DNAAF10: variants seen among roughly 807,000 people sequenced by gnomAD.
The protein encoded by DNAAF10 is WD repeat domain 92.
A neutral mutation model predicts 43.7 loss-of-function variants in DNAAF10; 28 were observed. The ratio of observed to expected loss-of-function variants is 0.64; its 90% CI spans 0.48 to 0.88. The LOEUF is 0.88. Among genes scored for constraint, DNAAF10 ranks in the 40% least tolerant of loss-of-function variants. The pLI, the probability that DNAAF10 is intolerant of heterozygous loss-of-function variation, is 0.00. For missense variants in DNAAF10, 403 were observed against 439.1 expected (o/e 0.92, Z 0.73); for synonymous variants, 156 against 157.3 (o/e 0.99, Z 0.06).
rs1184098363 is a variant in DNAAF10 at position 68,157,388 on chromosome 2, T to C, written c.56A>G (p.Tyr19Cys). The C allele has an allele frequency of 1.2e-6, 2 of 1,614,164 alleles. No homozygotes were observed. The highest frequency in any genetic ancestry group is 1.7e-6 in the Non-Finnish European group (2 of 1,180,040). ...IIAHIQKGFN[Y>C]TVFDCKWVPC... ...CACCCACTTACAGTCAAACACCGTG[T>C]AGTTGAAGCCCTTCTGGATATGGGC... is the stretch of plus-strand genomic sequence containing the variant. Residue 19 changes from tyrosine to cysteine, a missense_variant, in exon 1 of 8, where the codon TAC (tyrosine) becomes TGC (cysteine). Tyr to Cys is a radical substitution (Grantham distance 194). Coordinates refer to ENST00000295121, the MANE Select transcript of DNAAF10 (RefSeq NM_138458.4).
chr2:68,130,791 G>A lies in DNAAF10; in HGVS notation c.*447C>T, dbSNP rs1672914967. 6.4e-6 allele frequency: 1 copy of A among 155,246 alleles called. No homozygotes were observed. Among genetic ancestry groups the A allele is most frequent in the African/African-American group, 2.4e-5 (1 of 41,428 alleles). 9.6% of individuals were successfully genotyped at this position (155,246 alleles called of 1,614,324 possible). ...CCGAGAGAGGCTGGAGGCTGGCCCA[G>A]AGGCTTGTGGCTGGGGTCTTTTATC... On this transcript the variant is annotated 3_prime_UTR_variant, in exon 8 of 8. Transcript: ENST00000295121.
chr2:68,153,671 G>A (rs1177936888), intron 1 of DNAAF10, among the ~76,000 whole-genome samples: 1 of 151,646 alleles, frequency 6.6e-6, no homozygotes, highest in Non-Finnish European at 1.5e-5. Context: ...TAAGGAGTGG[G>A]AGTTACTGGA....
intron 7 of DNAAF10, chr2:68,134,411 A>C: frequency 8.7e-7 from 1 of 1,148,678 alleles, no homozygotes; most frequent in African/African-American, 1.7e-5. Context: ...TGTTCTAATC[A>C]CTTCAAGATA....
chr2:68,137,347 G>C lies in DNAAF10; in HGVS notation c.720C>G (p.Asp240Glu). 6.2e-7 allele frequency: 1 copy of C among 1,613,550 alleles called. No individual in the cohort carries two copies. The highest frequency in any genetic ancestry group is 1.7e-5 in the Admixed American group (1 of 59,912). Residue 240 changes from aspartate (D) to glutamate (E), a missense_variant, in exon 6 of 8, where the codon GAC becomes GAG. Asp to Glu is a conservative substitution (Grantham distance 45). Coordinates refer to ENST00000295121, the MANE Select transcript of DNAAF10 (RefSeq NM_138458.4). The stretch of plus-strand genomic sequence containing the variant: ...CTTTGGTTGGATGCTGTGTTCTCAT[G>C]TCAAAAACATGGAACTTTCCTTCCA... ...TSLEGKFHVFDMRTQHPTKGF... is the reference protein window; with the variant it reads ...TSLEGKFHVFEMRTQHPTKGF...
intron 4 of DNAAF10, among the ~76,000 whole-genome samples, chr2:68,139,660 C>T (rs1572919906): frequency 6.6e-6 from 1 of 150,732 alleles, no homozygotes; most frequent in African/African-American, 2.4e-5. Context: ...AAAAATTAGC[C>T]GGGTGTGGTG....
At chr2:68,154,556 C>A (rs773398617) in intron 1 of DNAAF10, among the ~76,000 whole-genome samples, 3 of 152,048 alleles carry the variant, frequency 2.0e-5, no homozygotes, top group African/African-American at 7.2e-5. Context: ...TGAAAATACA[C>A]TTAGTGGTTA....
intron 3 of DNAAF10, 108 bp from the exon 4 acceptor site, chr2:68,141,903 T>C (rs567230206): frequency 1.2e-6 from 1 of 867,340 alleles, no homozygotes; most frequent in East Asian, 2.4e-5. Flanking sequence ...ATGACAGATG[T>C]TATGACATCT....
At chr2:68,132,876 G>A (rs931031388) in intron 7 of DNAAF10, among the ~76,000 whole-genome samples, 1 of 152,168 alleles carries the variant, frequency 6.6e-6, no homozygotes, top group Non-Finnish European at 1.5e-5. Flanking sequence ...CTTTACTGAC[G>A]GAACTAAATC....
At chr2:68,139,618 T>C (rs1256022631) in intron 4 of DNAAF10, among the ~76,000 whole-genome samples, 2 of 145,742 alleles carry the variant, frequency 1.4e-5, no homozygotes, top group Non-Finnish European at 3.0e-5. Flanking sequence ...ACCCTGTCTC[T>C]ACTAAAAAAA....
rs1446998877 is a variant in DNAAF10 at position 68,157,485 on chromosome 2, C to A, written c.-42G>T. ...GCTACGGCAACCGCCACACCCAGAG[C>A]CCCCAAAAACGGCAACCTGGAAACC... On this transcript the variant is annotated 5_prime_UTR_variant, in exon 1 of 8. Coordinates refer to ENST00000295121, the MANE Select transcript of DNAAF10 (RefSeq NM_138458.4). The A allele has an allele frequency of 6.2e-7, 1 of 1,613,824 alleles. No individual in the cohort carries two copies.
intron 4 of DNAAF10, among the ~76,000 whole-genome samples, chr2:68,139,760 C>T (rs942679662): frequency 4.3e-4 from 65 of 150,754 alleles, no homozygotes; most frequent in African/African-American, 1.5e-3. Flanking sequence ...ACCAAGATCG[C>T]GCCAATGCAC....
At chr2:68,156,661 T>TA (rs930339815) in intron 1 of DNAAF10, among the ~76,000 whole-genome samples, 4 of 152,216 alleles carry the variant, frequency 2.6e-5, no homozygotes, top group African/African-American at 9.6e-5. Flanking sequence ...CTTAAGGAGA[T>TA]AAACTTCTTC....
Position 68,134,458 on chromosome 2 carries a change from TTAGAA to T in DNAAF10, c.866+239_866+243del, listed in dbSNP as rs775756849. ...AAGTCTTGGGCCAACTTTTTCATAC[TTAGAA>T]GACACAACTAAAATGATATACTAAA... On this transcript the variant is annotated intron_variant, in intron 7 of 7. Transcript: ENST00000295121. The T allele has an allele frequency of 1.7e-3, 2,152 of 1,276,442 alleles. 4 individuals are homozygous for T. Among genetic ancestry groups the T allele is most frequent in the Non-Finnish European group, 1.9e-3 (1,896 of 1,013,216 alleles). 79.1% of individuals were successfully genotyped at this position (1,276,442 alleles called of 1,614,324 possible).
intron 1 of DNAAF10, among the ~76,000 whole-genome samples, chr2:68,153,107 G>A (rs1325255228): frequency 6.6e-6 from 1 of 152,068 alleles, no homozygotes; most frequent in African/African-American, 2.4e-5. Context: ...TCTCACACAT[G>A]TAAGGCTTGA....
intron 3 of DNAAF10, 111 bp downstream of exon 3, chr2:68,144,474 T>G: frequency 7.3e-7 from 1 of 1,363,552 alleles, no homozygotes; most frequent in Non-Finnish European, 1.0e-6. Context: ...GACTGTTAGA[T>G]TTAGGGAGTC....
chr2:68,157,009 A>G (rs1053080496), intron 1 of DNAAF10: 4 of 569,334 alleles, frequency 7.0e-6, no homozygotes, highest in African/African-American at 5.6e-5. Flanking sequence ...CACTGCAGGC[A>G]TCCTGGTGCC....
intron 1 of DNAAF10, among the ~76,000 whole-genome samples, chr2:68,154,080 A>G (rs967529058): frequency 8.6e-5 from 13 of 151,686 alleles, no homozygotes; most frequent in African/African-American, 3.1e-4. Context: ...GTATTTTTGT[A>G]TTAGTTTTAC....
intron 1 of DNAAF10, among the ~76,000 whole-genome samples, chr2:68,148,311 C>T (rs933819644): frequency 6.6e-6 from 1 of 152,120 alleles, no homozygotes; most frequent in Non-Finnish European, 1.5e-5. Flanking sequence ...CGAACTCATA[C>T]AACATTCAAC....
intron 3 of DNAAF10, among the ~76,000 whole-genome samples, chr2:68,143,962 C>T (rs781159632): frequency 7.9e-5 from 12 of 152,134 alleles, no homozygotes; most frequent in Non-Finnish European, 1.2e-4. Flanking sequence ...TGGTCTTGAG[C>T]GGCCATTAAA....
Sources: gnomAD v4.1 joint callset for allele counts (sites outside exome capture counted in the v4.1 genomes callset) on GRCh38, gnomAD v4.1.1 for gene constraint, MANE v1.5 for transcripts, NCBI Gene and HGNC (gene_info 2026-07-23, HGNC 2026-07-21) for gene names.